ZYG11B: variants seen among roughly 807,000 people sequenced by gnomAD.
ZYG11B encodes protein zyg-11 homolog B.
A neutral mutation model predicts 82.4 loss-of-function variants in ZYG11B; 36 were observed. The observed-to-expected ratio is 0.44, with a 90% CI of 0.33 to 0.58. The LOEUF is 0.58. Ranked by LOEUF, ZYG11B falls within the 20% of genes least tolerant of loss-of-function variation. The pLI, the probability that ZYG11B is intolerant of heterozygous loss-of-function variation, is 0.02. For synonymous variants in ZYG11B, 303 were observed against 312.8 expected (o/e 0.97, Z 0.33); for missense variants, 552 against 895.6 (o/e 0.62, Z 4.90).
chr1:52,788,286 C>G lies in ZYG11B; in HGVS notation c.1270-1717C>G, dbSNP rs762182833. 6.2e-4 allele frequency among the ~76,000 whole-genome samples: 95 copies of G among 152,298 alleles called. No individual in the cohort carries two copies. In the Middle Eastern group the frequency reaches 0.017, roughly 27 times the overall value. On this transcript the variant is annotated intron_variant, in intron 5 of 13. Transcript: ENST00000294353. ...GACTGTAGCCCCCAAAATCAAAACT[C>G]TAGCTGGGCGGAAATTGAAGACTAC...
At chr1:52,742,554 A>G (rs1318568698) in intron 1 of ZYG11B, among the ~76,000 whole-genome samples, 1 of 152,152 alleles carries the variant, frequency 6.6e-6, no homozygotes, top group Non-Finnish European at 1.5e-5. Flanking sequence ...TCAAGAGTCA[A>G]AAAGTAGGCC....
At chr1:52,818,703 C>T (rs1362265452) in intron 13 of ZYG11B, among the ~76,000 whole-genome samples, 1 of 151,748 alleles carries the variant, frequency 6.6e-6, no homozygotes, top group East Asian at 1.9e-4. Context: ...AGGGGACATA[C>T]TATAAAGGGC....
At chr1:52,800,466 T>C (rs774902912) in intron 8 of ZYG11B, among the ~76,000 whole-genome samples, 4 of 151,924 alleles carry the variant, frequency 2.6e-5, no homozygotes, top group Non-Finnish European at 5.9e-5. Flanking sequence ...TCTTCAAAGG[T>C]TTTTTAGGAA....
chr1:52,772,290 GCTCT>G (rs1355090754), intron 3 of ZYG11B: 8 of 1,341,228 alleles, frequency 6.0e-6, no homozygotes, highest in African/African-American at 1.4e-5. Context: ...GGTGAATCTG[GCTCT>G]CTATCAGAAT....
intron 3 of ZYG11B, chr1:52,772,678 GTTT>G: frequency 1.6e-6 from 1 of 623,476 alleles, no homozygotes. Context: ...CGAAAGGCTT[GTTT>G]TTTTTTTTTC....
chr1:52,729,287 G>T (rs891637497), intron 1 of ZYG11B, among the ~76,000 whole-genome samples: 19 of 151,336 alleles, frequency 1.3e-4, no homozygotes, highest in Admixed American at 2.0e-4. Flanking sequence ...CATTACCTTG[G>T]GGGTTAGGAT....
chr1:52,729,515 A>G (rs181603989), intron 1 of ZYG11B, among the ~76,000 whole-genome samples: 302 of 152,316 alleles, frequency 2.0e-3, no homozygotes, highest in African/African-American at 5.5e-3. Flanking sequence ...TTCTCGTGCA[A>G]TATTTTTGTA....
At chr1:52,790,129 T>C (rs1438269877) in intron 6 of ZYG11B, 62 bp downstream of exon 6, 2 of 1,220,464 alleles carry the variant, frequency 1.6e-6, no homozygotes, top group African/African-American at 3.0e-5. Context: ...CTGTCTTGGG[T>C]CATTTCTTAC....
intron 2 of ZYG11B, among the ~76,000 whole-genome samples, chr1:52,765,142 C>G (rs770214559): frequency 6.6e-6 from 1 of 151,872 alleles, no homozygotes; most frequent in Non-Finnish European, 1.5e-5. Context: ...CTGCCTTGGC[C>G]TCCCAAAGTG....
intron 1 of ZYG11B, among the ~76,000 whole-genome samples, chr1:52,728,997 GC>G (rs1165334015): frequency 1.3e-5 from 2 of 152,166 alleles, no homozygotes; most frequent in African/African-American, 4.8e-5. Context: ...TACTGTCTTA[GC>G]CCATTCAATC....
intron 1 of ZYG11B, among the ~76,000 whole-genome samples, chr1:52,730,307 A>G (rs571260681): frequency 3.9e-5 from 6 of 152,200 alleles, no homozygotes; most frequent in South Asian, 4.1e-4. Flanking sequence ...ATGTATATAG[A>G]GTAATTTTAT....
chr1:52,819,268 T>C (rs1645260916), intron 13 of ZYG11B, among the ~76,000 whole-genome samples: 1 of 152,012 alleles, frequency 6.6e-6, no homozygotes, highest in South Asian at 2.1e-4. Flanking sequence ...AGAAGCAGAG[T>C]TGTTCACTCA....
intron 2 of ZYG11B, among the ~76,000 whole-genome samples, chr1:52,767,303 T>G (rs74811575): frequency 0.1 from 505 of 4,880 alleles, 4 homozygotes; most frequent in African/African-American, 0.25. Context: ...GTTATTTTAT[T>G]TTATGTTATG....
chr1:52,821,420 GTT>G lies in ZYG11B; in HGVS notation c.2045-11_2045-10del. 6.7e-7 allele frequency: 1 copy of G among 1,498,910 alleles called. No homozygotes were observed. Among genetic ancestry groups the G allele is most frequent in the Non-Finnish European group, 9.0e-7 (1 of 1,114,486 alleles). 92.9% of individuals were successfully genotyped at this position (1,498,910 alleles called of 1,614,324 possible). ...AAGCTATTTCTCCTGTTTTGTGTGTGTTTTTTTTTCTTTTTCAGCTTCAAGGT... is the reference window on the plus strand; with the variant it reads ...AAGCTATTTCTCCTGTTTTGTGTGTGTTTTTTTCTTTTTCAGCTTCAAGGT... On this transcript the variant is annotated splice_polypyrimidine_tract_variant and intron_variant, in intron 13 of 13. Coordinates refer to ENST00000294353, the MANE Select transcript of ZYG11B (RefSeq NM_024646.3).
chr1:52,759,618 C>G (rs1290564070), intron 2 of ZYG11B, among the ~76,000 whole-genome samples: 7 of 152,178 alleles, frequency 4.6e-5, no homozygotes, highest in Non-Finnish European at 2.9e-5. Context: ...TCTTCTTCAT[C>G]AAGAAGGGTT....
At position 52,772,567 on chromosome 1, in the gene ZYG11B, A is replaced by G. The variant is rs556905891; in HGVS notation, c.951+793A>G. On this transcript the variant is annotated intron_variant, in intron 3 of 13. Coordinates refer to ENST00000294353, the MANE Select transcript of ZYG11B (RefSeq NM_024646.3). ...TGCTCCTTCACGTCGTCAGATGTCA[A>G]CTTCAACCAAGTGGGGAAGCTGCGT... The G allele has an allele frequency of 2.0e-5, 32 of 1,605,186 alleles. No individual in the cohort carries two copies. The African/African-American group carries it at 2.5e-4, about 13-fold the overall frequency.
At chr1:52,781,619 C>A (rs1644857161) in intron 4 of ZYG11B, among the ~76,000 whole-genome samples, 1 of 152,172 alleles carries the variant, frequency 6.6e-6, no homozygotes, top group South Asian at 2.1e-4. Context: ...CAAGGTAATT[C>A]TTACGCACGT....
At chr1:52,772,615 A>G (rs1644763365) in intron 3 of ZYG11B, 2 of 1,196,574 alleles carry the variant, frequency 1.7e-6, no homozygotes, top group South Asian at 1.2e-5. Context: ...GCCGACTGGG[A>G]CAGGCCCTTC....
At position 52,802,075 on chromosome 1, in the gene ZYG11B, T is replaced by A; in HGVS notation, c.1648-17T>A. ...TTGGTTCTTCAGGTAATTATAGGTT[T>A]CTTTTTCTTTTTACAGTCTTTCCCA... On this transcript the variant is annotated splice_polypyrimidine_tract_variant and intron_variant, in intron 9 of 13. Coordinates refer to ENST00000294353, the MANE Select transcript of ZYG11B (RefSeq NM_024646.3). 6.3e-7 allele frequency: 1 copy of A among 1,595,944 alleles called. No individual in the cohort carries two copies. Among genetic ancestry groups the A allele is most frequent in the South Asian group, 1.2e-5 (1 of 86,160 alleles).
Sources: allele counts gnomAD v4.1 joint callset (sites outside exome capture counted in the v4.1 genomes callset), GRCh38; gene constraint gnomAD v4.1.1; transcripts MANE v1.5; gene names NCBI Gene and HGNC (gene_info 2026-07-23, HGNC 2026-07-21).